The following FIP1L1 variants were observed in gnomAD, a reference collection of about 807,000 sequenced individuals.
The protein encoded by FIP1L1 is factor interacting with PAPOLA and CPSF1, also known as pre-mRNA 3'-end-processing factor FIP1.
In FIP1L1, 21 loss-of-function variants were observed where a neutral mutation model predicts 84.6. That is an observed-to-expected ratio of 0.25 (90% confidence interval 0.18 to 0.36). The LOEUF is 0.36. FIP1L1 is among the 10% of genes least tolerant of loss of function. FIP1L1 has a pLI of 1.00. For synonymous variants in FIP1L1, 263 were observed against 242.3 expected, an observed-to-expected ratio of 1.09 and a Z score of -0.80; for missense variants, 526 against 751.1, an observed-to-expected ratio of 0.70 and a Z score of 3.50.
chr4:53,384,840 A>T (rs1740072800), intron 5 of FIP1L1, among the ~76,000 whole-genome samples: 1 of 152,248 alleles, frequency 6.6e-6, no homozygotes. Flanking sequence ...TGCATTGGAA[A>T]CATAAAATAC....
rs1344300738 is a variant in FIP1L1 at position 53,409,336 on chromosome 4, G to C, written c.816-5279G>C. ...ATTTTCGTGAACCGCGAATGCTGCT[G>C]TCTGATCGTTCCTCTGGACGTTTTG... On this transcript the variant is annotated intron_variant, in intron 10 of 17. Coordinates refer to ENST00000337488, the MANE Select transcript of FIP1L1 (RefSeq NM_030917.4). Among the ~76,000 whole-genome samples the C allele has an allele frequency of 2.0e-5, 3 of 152,192 alleles. No individual in the cohort carries two copies. The East Asian group carries it at 5.8e-4, about 29-fold the overall frequency.
chr4:53,425,811 TTTA>T, intron 11 of FIP1L1, 58 bp from the exon 12 acceptor site: 1 of 1,203,930 alleles, frequency 8.3e-7, no homozygotes, highest in Non-Finnish European at 1.2e-6. Context: ...TCTCACTGCT[TTTA>T]TTATTTTTTA....
chr4:53,451,868 C>G (rs528756113), intron 15 of FIP1L1, among the ~76,000 whole-genome samples: 1 of 150,400 alleles, frequency 6.6e-6, no homozygotes, highest in East Asian at 1.9e-4. Flanking sequence ...TTCTTTTTCT[C>G]TATCTGATAG....
intron 9 of FIP1L1, among the ~76,000 whole-genome samples, chr4:53,392,653 A>G (rs552200401): frequency 6.6e-6 from 1 of 152,366 alleles, no homozygotes; most frequent in Non-Finnish European, 1.5e-5. Context: ...TTTAATAGAA[A>G]TGAGAACTGC....
At chr4:53,406,554 C>G (rs145810525) in intron 10 of FIP1L1, among the ~76,000 whole-genome samples, 19,708 of 152,080 alleles carry the variant, frequency 0.13, 2,537 homozygotes, top group African/African-American at 0.32. Context: ...CCCTCTTTTT[C>G]TATTGATTGG....
intron 16 of FIP1L1, among the ~76,000 whole-genome samples, chr4:53,457,436 A>G (rs1719827355): frequency 6.6e-6 from 1 of 152,104 alleles, no homozygotes; most frequent in Admixed American, 6.6e-5. Flanking sequence ...ATATTAATAC[A>G]TTTTCTGTTT....
intron 9 of FIP1L1, among the ~76,000 whole-genome samples, chr4:53,393,358 G>T (rs755287567): frequency 6.6e-6 from 1 of 152,162 alleles, no homozygotes; most frequent in Non-Finnish European, 1.5e-5. Flanking sequence ...TCATCCTTAA[G>T]TGTGAGACAG....
chr4:53,404,190 G>A (rs1213442864), intron 10 of FIP1L1, among the ~76,000 whole-genome samples: 4 of 117,892 alleles, frequency 3.4e-5, no homozygotes, highest in African/African-American at 3.4e-5. Flanking sequence ...TCCCCAGAGT[G>A]TGATGTTCCC....
Position 53,390,994 on chromosome 4 carries a change from G to A in FIP1L1, c.506-15G>A. 6.4e-7 allele frequency: 1 copy of A among 1,569,214 alleles called. No individual in the cohort carries two copies. The highest frequency in any genetic ancestry group is 8.6e-7 in the Non-Finnish European group (1 of 1,161,538). On this transcript the variant is annotated splice_polypyrimidine_tract_variant and intron_variant, in intron 7 of 17. Coordinates refer to ENST00000337488, the MANE Select transcript of FIP1L1 (RefSeq NM_030917.4). ...GCTGAAATATTTGTACACTAAAGTT[G>A]TGTTTTATCTTTAGGTGCTGATCTT...
chr4:53,377,935 C>T lies in FIP1L1; in HGVS notation c.85+12C>T, dbSNP rs17082663. On this transcript the variant is annotated intron_variant, in intron 1 of 17. Coordinates refer to ENST00000337488, the MANE Select transcript of FIP1L1 (RefSeq NM_030917.4). ...GTGGCTCTATGGCGGTACGAAACTT[C>T]CTGTCTCTGTCTCTCGGGTTCTCTC... The T allele has an allele frequency of 4.9e-4, 766 of 1,576,566 alleles. 10 individuals are homozygous for T. In the East Asian group the frequency reaches 0.018, roughly 36 times the overall value.
chr4:53,383,693 G>A lies in FIP1L1; in HGVS notation c.229-80G>A, dbSNP rs1233557713. ...GAAGAAAGAAAAAAAAAAACAGGGTGGTTACTTTTTTTAGTTATTAGTATT... is the reference window on the plus strand; with the variant it reads ...GAAGAAAGAAAAAAAAAAACAGGGTAGTTACTTTTTTTAGTTATTAGTATT... On this transcript the variant is annotated intron_variant, in intron 4 of 17. Coordinates refer to ENST00000337488, the MANE Select transcript of FIP1L1 (RefSeq NM_030917.4). The A allele has an allele frequency of 1.4e-5, 19 of 1,344,198 alleles. No individual in the cohort carries two copies. The East Asian group carries it at 2.6e-4, about 18-fold the overall frequency. The allele number at this position is 1,344,198 out of a possible 1,614,324, so 83.3% of individuals were successfully genotyped here. A position where few individuals can be genotyped will look rare whatever the true frequency, so the allele number is the denominator to read the frequency against.
Position 53,459,277 on chromosome 4 carries a change from CTTTTTT to C in FIP1L1, c.1638-10_1638-5del, listed in dbSNP as rs3067115. Reference sequence around the variant, plus strand: ...GATTGTGTATTTAAACAGAACACACCTTTTTTTTTTTTTTTTTTTTCCAGTAATAGT... The same window carrying C: ...GATTGTGTATTTAAACAGAACACACCTTTTTTTTTTTTTTCCAGTAATAGT... On this transcript the variant is annotated intron_variant, in intron 17 of 17. Coordinates refer to ENST00000337488, the MANE Select transcript of FIP1L1 (RefSeq NM_030917.4). The C allele has an allele frequency of 2.4e-4, 233 of 974,668 alleles. No homozygotes were observed. The highest frequency in any genetic ancestry group is 3.0e-4 in the Non-Finnish European group (213 of 712,466). The allele number at this position is 974,668 out of a possible 1,614,324, so 60.4% of individuals were successfully genotyped here.
At chr4:53,410,184 A>T (rs1756424255) in intron 10 of FIP1L1, among the ~76,000 whole-genome samples, 1 of 152,220 alleles carries the variant, frequency 6.6e-6, no homozygotes, top group Non-Finnish European at 1.5e-5. Flanking sequence ...AGATAGAGGA[A>T]TGGTTCATTG....
intron 11 of FIP1L1, among the ~76,000 whole-genome samples, chr4:53,420,213 A>AAAAAAATC (rs1560540725): frequency 2.2e-5 from 3 of 133,822 alleles, no homozygotes; most frequent in African/African-American, 9.7e-5. Flanking sequence ...AAAAAAAAAA[A>AAAAAAATC]AAAAAAAAAA....
intron 15 of FIP1L1, among the ~76,000 whole-genome samples, chr4:53,452,473 C>T (rs1716681353): frequency 6.6e-6 from 1 of 152,162 alleles, no homozygotes; most frequent in African/African-American, 2.4e-5. Context: ...CATGCACCAC[C>T]ATGCCCGGCA....
chr4:53,427,494 TACTTACA>T (rs749688223), intron 12 of FIP1L1, among the ~76,000 whole-genome samples: 134 of 152,318 alleles, frequency 8.8e-4, no homozygotes, highest in Middle Eastern at 6.8e-3. Context: ...ATGATAAAGT[TACTTACA>T]TATCTTGCTG....
intron 16 of FIP1L1, among the ~76,000 whole-genome samples, chr4:53,454,260 G>A (rs1420399978): frequency 2.6e-5 from 4 of 152,192 alleles, no homozygotes; most frequent in African/African-American, 7.2e-5. Context: ...ATTCAGTGCA[G>A]TAATATGCTG....
intron 4 of FIP1L1, among the ~76,000 whole-genome samples, chr4:53,383,106 T>C (rs12649335): frequency 0.11 from 17,273 of 151,976 alleles, 1,853 homozygotes; most frequent in South Asian, 0.28. Flanking sequence ...GATTCTTTTT[T>C]GCCAAGACTT....
chr4:53,409,178 G>T (rs1755620707), intron 10 of FIP1L1, among the ~76,000 whole-genome samples: 1 of 152,084 alleles, frequency 6.6e-6, no homozygotes, highest in Non-Finnish European at 1.5e-5. Flanking sequence ...TTTTTGGTGT[G>T]GGTGTCCTTT....
Sources: gnomAD v4.1 joint callset for allele counts (sites outside exome capture counted in the v4.1 genomes callset) on GRCh38, gnomAD v4.1.1 for gene constraint, MANE v1.5 for transcripts, NCBI Gene and HGNC (gene_info 2026-07-23, HGNC 2026-07-21) for gene names.